TENT5C: variants seen among roughly 807,000 people sequenced by gnomAD.
The protein encoded by TENT5C is family with sequence similarity 46 member C.
TENT5C carries 5 observed loss-of-function variants against 22.2 expected under a neutral mutation model. That is an observed-to-expected ratio of 0.22 (90% CI 0.12 to 0.47). The LOEUF is 0.47. Ranked by LOEUF, TENT5C falls within the 20% of genes least tolerant of loss-of-function variation. TENT5C has a pLI of 0.99. For synonymous variants in TENT5C, 199 were observed against 195.4 expected (o/e 1.02, Z -0.15); for missense variants, 364 against 500.9 (o/e 0.73, Z 2.61).
chr1:117,616,015 C>T (rs1295499135), intron 1 of TENT5C, among the ~76,000 whole-genome samples: 1 of 152,186 alleles, frequency 6.6e-6, no homozygotes, highest in East Asian at 1.9e-4. Flanking sequence ...TCCCAGTGCA[C>T]ATGTGGGTTG....
chr1:117,616,064 C>A (rs1653775351), intron 1 of TENT5C, among the ~76,000 whole-genome samples: 1 of 152,230 alleles, frequency 6.6e-6, no homozygotes, highest in Non-Finnish European at 1.5e-5. Context: ...CTCCCATCCA[C>A]CATGGCAGAC....
At position 117,624,164 on chromosome 1, in the gene TENT5C, C is replaced by CTTT. The variant is rs4026613; in HGVS notation, c.*134_*136dup. On this transcript the variant is annotated 3_prime_UTR_variant, in exon 2 of 2. Transcript: ENST00000369448. ...AAAGGGGAACTCAGCTCTGATTCTG[C>CTTT]TTTTTTTTTTTTTTTTCCTTTGTGT... The CTTT allele has an allele frequency of 0.068, 41,371 of 612,068 alleles. 1,275 individuals are homozygous for CTTT. The highest frequency in any genetic ancestry group is 0.18 in the African/African-American group (8,299 of 47,068). 37.9% of individuals were successfully genotyped at this position (612,068 alleles called of 1,614,324 possible).
intron 1 of TENT5C, among the ~76,000 whole-genome samples, chr1:117,622,337 G>GTGTGTGTGTGTGTCTGTGTC (rs1653911237): frequency 6.9e-6 from 1 of 144,806 alleles, no homozygotes; most frequent in East Asian, 1.9e-4. Flanking sequence ...GTGTGTGTGT[G>GTGTGTGTGTGTGTCTGTGTC]TGTGTGTGTG....
In TENT5C at chr1:117,623,196, G is replaced by A. The variant is rs951158173; in HGVS notation, c.328G>A (p.Asp110Asn). Residue 110 changes from aspartate (D) to asparagine (N), a missense_variant, in exon 2 of 2, where the codon GAT (aspartate) becomes AAT (asparagine). This residue lies in a region of TENT5C where 303 missense variants were observed against 394.5 expected (regional missense o/e 0.77). Coordinates refer to ENST00000369448, the MANE Select transcript of TENT5C (RefSeq NM_017709.4). ...AGAGGCAGAATTTCAGCTGGTTAGA[G>A]ATGTGGTTCTGTGTTCCCTTCTGAA... Reference protein sequence around the residue: ...PTEAEFQLVRDVVLCSLLNFL... With the variant: ...PTEAEFQLVRNVVLCSLLNFL... The A allele has an allele frequency of 1.9e-6, 3 of 1,614,078 alleles. No individual in the cohort carries two copies. The African/African-American group carries it at 4.0e-5, about 22-fold the overall frequency.
chr1:117,610,903 G>A (rs945096768), intron 1 of TENT5C, among the ~76,000 whole-genome samples: 2 of 152,156 alleles, frequency 1.3e-5, no homozygotes, highest in Non-Finnish European at 2.9e-5. Context: ...TAAGCACAAA[G>A]TCCCATACTG....
chr1:117,611,322 C>T (rs186923389), intron 1 of TENT5C, among the ~76,000 whole-genome samples: 100 of 152,328 alleles, frequency 6.6e-4, no homozygotes, highest in Middle Eastern at 6.8e-3. Flanking sequence ...GAGCTAGCAC[C>T]GCTGCTATCT....
intron 1 of TENT5C, among the ~76,000 whole-genome samples, chr1:117,607,799 G>A (rs1464958352): frequency 6.6e-6 from 1 of 152,184 alleles, no homozygotes; most frequent in Non-Finnish European, 1.5e-5. Context: ...GGGGGAGGGG[G>A]ATGGGGAGTA....
At position 117,623,259 on chromosome 1, in the gene TENT5C, C is replaced by T. The variant is rs1653939003; in HGVS notation, c.391C>T (p.Pro131Ser). The T allele has an allele frequency of 4.3e-6, 7 of 1,614,026 alleles. No homozygotes were observed. The East Asian group carries it at 1.1e-4, about 26-fold the overall frequency. Reference sequence around the variant, plus strand: ...GGGTGTGAACAAGCTCAAAATCAGTCCAGTCACTCTGAAGGAGGCATATGT... The same window carrying T: ...GGGTGTGAACAAGCTCAAAATCAGTTCAGTCACTCTGAAGGAGGCATATGT... ...PEGVNKLKIS[P>S]VTLKEAYVQK... Residue 131 changes from proline to serine, a missense_variant, in exon 2 of 2, where the codon CCA (proline) becomes TCA (serine). Transcript: ENST00000369448.
rs1311345266 is a variant in TENT5C at position 117,624,209 on chromosome 1, C to T, written c.*165C>T. 9.4e-6 allele frequency: 6 copies of T among 641,092 alleles called. No individual in the cohort carries two copies. The highest frequency in any genetic ancestry group is 6.2e-5 in the Admixed American group (2 of 32,164). The allele number at this position is 641,092 out of a possible 1,614,324, so 39.7% of individuals were successfully genotyped here. On this transcript the variant is annotated 3_prime_UTR_variant, in exon 2 of 2. Coordinates refer to ENST00000369448, the MANE Select transcript of TENT5C (RefSeq NM_017709.4). The stretch of plus-strand genomic sequence containing the variant: ...TTGTGTACCCATTGGAATGGGTCTA[C>T]AGTGTATCATGAGCCAACCCTCAAA...
At position 117,626,581 on chromosome 1, in the gene TENT5C, G is replaced by A. The variant is rs139241900; in HGVS notation, c.*2537G>A. 2.3e-3 allele frequency: 582 copies of A among 248,054 alleles called. 3 individuals carry two copies. The highest frequency in any genetic ancestry group is 0.012 in the African/African-American group (534 of 45,424). The allele number at this position is 248,054 out of a possible 1,614,324, so 15.4% of individuals were successfully genotyped here. ...GCCTTTTGCCAGCCTCAGAATAGGC[G>A]AGGTAACCTTGAATTTCAGGGCCCT... On this transcript the variant is annotated 3_prime_UTR_variant, in exon 2 of 2. Transcript: ENST00000369448.
In TENT5C at chr1:117,622,977, G is replaced by A. The variant is rs779398843; in HGVS notation, c.109G>A (p.Gly37Arg). The A allele has an allele frequency of 1.2e-5, 19 of 1,614,044 alleles. No individual in the cohort carries two copies. Among genetic ancestry groups the A allele is most frequent in the African/African-American group, 6.7e-5 (5 of 74,896 alleles). Residue 37 changes from glycine to arginine, a missense_variant, in exon 2 of 2, where the codon GGA (glycine) becomes AGA (arginine). By Grantham distance (125) the Gly-to-Arg change is moderately radical. This residue lies in a region of TENT5C where 303 missense variants were observed against 394.5 expected (regional missense o/e 0.77). Transcript: ENST00000369448. ...EVLTEVVPIH[G>R]RGNFPTLEIT... ...CCTCACTGAAGTTGTACCTATCCAC[G>A]GACGAGGCAACTTTCCAACCTTGGA...
In TENT5C at chr1:117,627,713, C is replaced by T; in HGVS notation, c.*3669C>T. The stretch of plus-strand genomic sequence containing the variant: ...GCTCGCTTTGGAACATATTCCAATT[C>T]AACCAGTTAAAATCAGAGGACCAAG... On this transcript the variant is annotated 3_prime_UTR_variant, in exon 2 of 2. Coordinates refer to ENST00000369448, the MANE Select transcript of TENT5C (RefSeq NM_017709.4). The T allele has an allele frequency of 4.0e-6, 1 of 248,024 alleles. No homozygotes were observed. Among genetic ancestry groups the T allele is most frequent in the Non-Finnish European group, 8.5e-6 (1 of 118,124 alleles). The allele number at this position is 248,024 out of a possible 1,614,324, so 15.4% of individuals were successfully genotyped here. A position where few individuals can be genotyped will look rare whatever the true frequency, so the allele number is the denominator to read the frequency against.
intron 1 of TENT5C, among the ~76,000 whole-genome samples, chr1:117,617,420 T>C (rs1653811972): frequency 6.6e-6 from 1 of 151,720 alleles, no homozygotes; most frequent in African/African-American, 2.4e-5. Flanking sequence ...GTATTCTACC[T>C]TTACTGCAGT....
In TENT5C at chr1:117,626,649, G is replaced by A. The variant is rs1347252384; in HGVS notation, c.*2605G>A. On this transcript the variant is annotated 3_prime_UTR_variant, in exon 2 of 2. Coordinates refer to ENST00000369448, the MANE Select transcript of TENT5C (RefSeq NM_017709.4). ...CCTGCCTTTCCTAATGCTCACACAA[G>A]CACCAGGTACCCTGAGCTTATACTG... is the stretch of plus-strand genomic sequence containing the variant. 2 of 247,864 alleles carry A rather than the reference G, an allele frequency of 8.1e-6. No homozygotes were observed. Among genetic ancestry groups the A allele is most frequent in the Admixed American group, 5.6e-5 (1 of 17,766 alleles). The allele number at this position is 247,864 out of a possible 1,614,324, so 15.4% of individuals were successfully genotyped here.
intron 1 of TENT5C, among the ~76,000 whole-genome samples, chr1:117,622,316 CGTGTGTGT>C (rs3050944): frequency 0.095 from 14,172 of 149,238 alleles, 682 homozygotes; most frequent in African/African-American, 0.12. Context: ...TGAAGGAAGT[CGTGTGTGT>C]GTGTGTGTGT....
chr1:117,623,548 A>T lies in TENT5C; in HGVS notation c.680A>T (p.Gln227Leu). ...GDFEEAFDHL[Q>L]NRLIATKNPE... ...TTTGAGGAAGCTTTTGACCATCTGC[A>T]GAACAGACTGATCGCCACCAAGAAC... Residue 227 changes from glutamine (Q) to leucine (L), a missense_variant, in exon 2 of 2, where the codon CAG (glutamine) becomes CTG (leucine). By Grantham distance (113) the Gln-to-Leu change is moderately radical. This residue lies in a region of TENT5C where 303 missense variants were observed against 394.5 expected (regional missense o/e 0.77). Transcript: ENST00000369448. 1 of 1,614,032 alleles carries T rather than the reference A, an allele frequency of 6.2e-7. No individual in the cohort carries two copies. Among genetic ancestry groups the T allele is most frequent in the Non-Finnish European group, 8.5e-7 (1 of 1,180,022 alleles).
chr1:117,606,777 A>G (rs991284074), intron 1 of TENT5C, among the ~76,000 whole-genome samples: 4 of 152,204 alleles, frequency 2.6e-5, no homozygotes, highest in African/African-American at 9.6e-5. Flanking sequence ...TTTAAGGAGA[A>G]GGGCGGAGAT....
intron 1 of TENT5C, among the ~76,000 whole-genome samples, 170 bp from the exon 2 acceptor site, chr1:117,622,672 C>T (rs940536186): frequency 2.6e-5 from 4 of 152,208 alleles, no homozygotes; most frequent in Non-Finnish European, 4.4e-5. Flanking sequence ...TGCAGTGTCA[C>T]TGTTTTTTAC....
chr1:117,623,388 C>T lies in TENT5C; in HGVS notation c.520C>T (p.Arg174Trp), dbSNP rs767827215. 4.3e-6 allele frequency: 7 copies of T among 1,614,006 alleles called. No homozygotes were observed. Among genetic ancestry groups the T allele is most frequent in the South Asian group, 2.2e-5 (2 of 91,072 alleles). ...GGAGCTGAAGTTTGTCGACTCCATT[C>T]GGCGTCAGTTTGAGTTCAGTGTGGA... is the stretch of plus-strand genomic sequence containing the variant. ...NVELKFVDSIRRQFEFSVDSF... is the reference protein window; with the variant it reads ...NVELKFVDSIWRQFEFSVDSF... The change falls in exon 2 of 2, where the codon CGG becomes TGG. Residue 174 changes from arginine to tryptophan, a missense_variant. Arg to Trp is a moderately radical substitution (Grantham distance 101). Coordinates refer to ENST00000369448, the MANE Select transcript of TENT5C (RefSeq NM_017709.4).
Sources: allele counts gnomAD v4.1 joint callset (sites outside exome capture counted in the v4.1 genomes callset), GRCh38; gene constraint gnomAD v4.1.1; regional missense constraint gnomAD v4.1.1; transcripts MANE v1.5; gene names NCBI Gene and HGNC (gene_info 2026-07-23, HGNC 2026-07-21).